The following TJP1 variants were observed in gnomAD, a reference collection of about 807,000 sequenced individuals.
TJP1 encodes the protein tight junction protein ZO-1.
Under a neutral mutation model 194.2 loss-of-function variants are expected in TJP1, and 43 were observed. The observed-to-expected ratio is 0.22, with a 90% CI of 0.17 to 0.29. TJP1 has a LOEUF of 0.29. Among genes scored for constraint, TJP1 ranks in the 10% least tolerant of loss-of-function variants. The probability of loss-of-function intolerance (pLI) is 1.00; values close to 1 mark genes in which losing one functional copy is unlikely to be tolerated. For missense variants in TJP1, 1,971 were observed against 2,185.7 expected (o/e 0.90, Z 1.96); for synonymous variants, 801 against 779.0 (o/e 1.03, Z -0.47).
intron 2 of TJP1, among the ~76,000 whole-genome samples, chr15:29,774,482 C>CCTTA (rs888328810): frequency 7.2e-5 from 11 of 152,078 alleles, no homozygotes; most frequent in African/African-American, 2.4e-4. Flanking sequence ...AAACATCATG[C>CCTTA]TAAGGTGAAG....
At chr15:29,762,631 C>T (rs185138607) in intron 5 of TJP1, among the ~76,000 whole-genome samples, 193 bp from the exon 6 acceptor site, 1 of 152,226 alleles carries the variant, frequency 6.6e-6, no homozygotes, top group African/African-American at 2.4e-5. Flanking sequence ...TCCGTGAAAG[C>T]CAAGGGAAAG....
chr15:29,860,505 T>C (rs1216997091), intron 2 of TJP1, among the ~76,000 whole-genome samples: 2 of 152,238 alleles, frequency 1.3e-5, no homozygotes, highest in South Asian at 2.1e-4. Context: ...GAACATTTCA[T>C]ATAAATGGAA....
chr15:29,846,031 C>T (rs187937186), intron 2 of TJP1, among the ~76,000 whole-genome samples: 20 of 152,164 alleles, frequency 1.3e-4, no homozygotes, highest in African/African-American at 4.3e-4. Flanking sequence ...ACTGCCTCCT[C>T]CCCCAACTCA....
intron 1 of TJP1, among the ~76,000 whole-genome samples, chr15:29,964,509 A>G (rs967323939): frequency 1.3e-5 from 2 of 152,172 alleles, no homozygotes; most frequent in South Asian, 4.1e-4. Flanking sequence ...GCCACAAAGA[A>G]TGTTCGAAAG....
chr15:29,766,231 A>C, intron 5 of TJP1, 35 bp downstream of exon 5: 1 of 1,583,110 alleles, frequency 6.3e-7, no homozygotes, highest in South Asian at 1.2e-5. Context: ...TTAAATTTTC[A>C]TGTGAAAAAA....
intron 8 of TJP1, among the ~76,000 whole-genome samples, chr15:29,756,787 A>T (rs1473052854): frequency 6.6e-6 from 1 of 152,180 alleles, no homozygotes; most frequent in Admixed American, 6.5e-5. Context: ...TGGGTCAAAG[A>T]GCCAACAGTT....
At chr15:29,708,196 C>CAAAAAA (rs770746842) in intron 25 of TJP1, among the ~76,000 whole-genome samples, 2 of 63,526 alleles carry the variant, frequency 3.1e-5, no homozygotes, top group African/African-American at 4.9e-5. Flanking sequence ...ACTCTTGTCT[C>CAAAAAA]AAAAAAAAAA....
chr15:29,732,200 T>C (rs1446128065), intron 15 of TJP1: 4 of 532,300 alleles, frequency 7.5e-6, no homozygotes, highest in African/African-American at 1.9e-5. Context: ...TTGTATGTTA[T>C]GCAATTTTCA....
chr15:29,718,180 T>C lies in TJP1; in HGVS notation c.3877-62A>G, dbSNP rs115589436. On this transcript the variant is annotated intron_variant, in intron 21 of 27. Coordinates refer to ENST00000614355, the MANE Select transcript of TJP1 (RefSeq NM_001330239.4). ...CCTAAGGAACAGATAATTAACAGAATAGATATCATGTAATGGCGGAGGGGA... is the reference window on the plus strand; with the variant it reads ...CCTAAGGAACAGATAATTAACAGAACAGATATCATGTAATGGCGGAGGGGA... The C allele has an allele frequency of 1.2e-3, 1,941 of 1,555,778 alleles. 17 individuals are homozygous for C. The African/African-American group carries it at 0.024, about 19-fold the overall frequency.
chr15:29,890,669 A>G (rs1244916491), intron 2 of TJP1, among the ~76,000 whole-genome samples: 2 of 152,196 alleles, frequency 1.3e-5, no homozygotes, highest in African/African-American at 4.8e-5. Flanking sequence ...GAGTCCGCTC[A>G]ATAAAAAATA....
chr15:29,943,825 G>A (rs1202059991), intron 2 of TJP1, among the ~76,000 whole-genome samples: 1 of 150,764 alleles, frequency 6.6e-6, no homozygotes, highest in African/African-American at 2.4e-5. Context: ...GCGCGCGCCT[G>A]TAGTCCTAGC....
rs2043239732 is a variant in TJP1, at chr15:29,726,404, T to C, written c.2387A>G (p.Gln796Arg). ...CTTTCCCTCGGAAACCCATACCAGCTGGTTTTGCTGTTGTTGAATTGCTTC... is the reference window on the plus strand; with the variant it reads ...CTTTCCCTCGGAAACCCATACCAGCCGGTTTTGCTGTTGTTGAATTGCTTC... ...LKEAIQQQQNQLVWVSEGKAD... is the reference protein window; with the variant it reads ...LKEAIQQQQNRLVWVSEGKAD... Residue 796 changes from glutamine (Q) to arginine (R), a missense_variant, in exon 18 of 28, where the codon CAG becomes CGG. Gln to Arg is a conservative substitution (Grantham distance 43). Coordinates refer to ENST00000614355, the MANE Select transcript of TJP1 (RefSeq NM_001330239.4). 6.2e-7 allele frequency: 1 copy of C among 1,614,136 alleles called. No homozygotes were observed. The highest frequency in any genetic ancestry group is 8.5e-7 in the Non-Finnish European group (1 of 1,179,996).
At chr15:29,821,920 A>C (rs1295621462) in intron 1 of TJP1, 82 bp downstream of exon 1, 1 of 1,155,414 alleles carries the variant, frequency 8.7e-7, no homozygotes, top group Non-Finnish European at 1.1e-6. Context: ...CCAGCGAGGG[A>C]GGGCGGGACG....
chr15:29,881,605 G>A (rs1169302753), intron 2 of TJP1, among the ~76,000 whole-genome samples: 1 of 152,126 alleles, frequency 6.6e-6, no homozygotes, highest in African/African-American at 2.4e-5. Context: ...GAATGTGACA[G>A]GTTCACAGCC....
intron 8 of TJP1, among the ~76,000 whole-genome samples, chr15:29,754,721 T>C (rs770123837): frequency 1.2e-4 from 18 of 152,210 alleles, no homozygotes; most frequent in Non-Finnish European, 2.2e-4. Context: ...TGCATCATAC[T>C]GGTTACCCAT....
chr15:29,701,826 C>T (rs2041562999), intron 27 of TJP1, 137 bp from the exon 28 acceptor site: 5 of 631,362 alleles, frequency 7.9e-6, no homozygotes, highest in Non-Finnish European at 1.4e-5. Flanking sequence ...TGTATCAAAA[C>T]ACATTGCTGT....
chr15:29,771,760 G>A (rs546783363), intron 4 of TJP1, among the ~76,000 whole-genome samples: 4 of 149,852 alleles, frequency 2.7e-5, no homozygotes, highest in Admixed American at 6.7e-5. Context: ...AGCCGAGACC[G>A]TACCACTGCA....
At chr15:29,960,635 CAAA>C (rs3085441) in intron 1 of TJP1, among the ~76,000 whole-genome samples, 2 of 117,882 alleles carry the variant, frequency 1.7e-5, no homozygotes, top group African/African-American at 3.2e-5. Flanking sequence ...GACCATGTCT[CAAA>C]AAAAAAAAAA....
chr15:29,768,780 G>C (rs1228076663), intron 4 of TJP1, among the ~76,000 whole-genome samples: 1 of 152,042 alleles, frequency 6.6e-6, no homozygotes, highest in African/African-American at 2.4e-5. Flanking sequence ...TAATTAGTAG[G>C]TGTGACAACT....
Sources: gnomAD v4.1 joint callset for allele counts (sites outside exome capture counted in the v4.1 genomes callset) on GRCh38, gnomAD v4.1.1 for gene constraint, MANE v1.5 for transcripts, NCBI Gene and HGNC (gene_info 2026-07-23, HGNC 2026-07-21) for gene names.